Variants in NSUN7 observed in about 807,000 individuals in gnomAD.
NSUN7 encodes NOP2/Sun RNA methyltransferase family member 7.
In NSUN7, 39 loss-of-function variants were observed where a neutral mutation model predicts 58.5. The ratio of observed to expected loss-of-function variants is 0.67; its 90% confidence interval spans 0.52 to 0.87. The LOEUF (loss-of-function observed/expected upper bound fraction) is 0.87. Among genes scored for constraint, NSUN7 ranks in the 40% least tolerant of loss-of-function variants. The probability of loss-of-function intolerance (pLI) is 0.00; values close to 1 mark genes in which losing one functional copy is unlikely to be tolerated. For missense variants in NSUN7, 765 were observed against 844.1 expected, an observed-to-expected ratio of 0.91 and a Z score of 1.16; for synonymous variants, 278 against 303.7, an observed-to-expected ratio of 0.92 and a Z score of 0.88.
rs138850222 is a variant in NSUN7, at chr4:40,805,640, G to C, written c.1401-1421G>C. The stretch of plus-strand genomic sequence containing the variant: ...TGCTGAAAGAAATTCCTCCAAACTT[G>C]GTGGCTTATGATAACAAACATTTAT... On this transcript the variant is annotated intron_variant, in intron 10 of 11. Transcript: ENST00000381782. 2.8e-4 allele frequency among the ~76,000 whole-genome samples: 43 copies of C among 152,218 alleles called. 2 individuals carry two copies. The highest frequency in any genetic ancestry group is 1.0e-3 in the African/African-American group (42 of 41,538).
chr4:40,765,670 G>A (rs79518723), intron 4 of NSUN7, among the ~76,000 whole-genome samples: 47,998 of 151,988 alleles, frequency 0.32, 7,866 homozygotes, highest in Admixed American at 0.46. Context: ...ATTACCTTGG[G>A]TAGTATGGCC....
At chr4:40,786,021 G>A in intron 7 of NSUN7, 1 of 1,468,612 alleles carries the variant, frequency 6.8e-7, no homozygotes, top group East Asian at 2.3e-5. Context: ...AGGACAGTTA[G>A]TCAGTCTTAT....
At chr4:40,757,417 T>G (rs947556922) in intron 2 of NSUN7, among the ~76,000 whole-genome samples, 31 of 151,818 alleles carry the variant, frequency 2.0e-4, no homozygotes, top group African/African-American at 7.5e-4. Context: ...GCATTTTTGA[T>G]ATACAATATT....
At chr4:40,778,026 A>C (rs1427015774) in intron 7 of NSUN7, among the ~76,000 whole-genome samples, 1 of 152,262 alleles carries the variant, frequency 6.6e-6, no homozygotes, top group Non-Finnish European at 1.5e-5. Flanking sequence ...GAACTGAAAA[A>C]TACAATGTGT....
In NSUN7 at chr4:40,774,288, C is replaced by G. The variant is rs1742157194; in HGVS notation, c.512C>G (p.Ala171Gly). 6 of 1,614,062 alleles carry G rather than the reference C, an allele frequency of 3.7e-6. No homozygotes were observed. The Middle Eastern group carries it at 8.2e-4, about 222-fold the overall frequency. Residue 171 changes from alanine (A) to glycine (G), a missense_variant, in exon 5 of 12, where the codon GCA (alanine) becomes GGA (glycine). Physicochemically the swap from Ala to Gly is moderately conservative, Grantham distance 60. Transcript: ENST00000381782. Reference sequence around the variant, plus strand: ...AGTTTTAAGATAAAATTGGCTGCAGCATTGGCAAGATGTCGAATCAAGCAT... The same window carrying G: ...AGTTTTAAGATAAAATTGGCTGCAGGATTGGCAAGATGTCGAATCAAGCAT... ...LNSFKIKLAA[A>G]LARCRIKHDA...
intron 7 of NSUN7, among the ~76,000 whole-genome samples, chr4:40,782,971 G>C (rs1742646845): frequency 6.6e-6 from 1 of 152,192 alleles, no homozygotes; most frequent in Non-Finnish European, 1.5e-5. Context: ...ATTCATTGCA[G>C]TTCTTATAAA....
At chr4:40,786,709 G>T in intron 7 of NSUN7, 1 of 1,569,614 alleles carries the variant, frequency 6.4e-7, no homozygotes, top group Non-Finnish European at 8.6e-7. Flanking sequence ...GAAAAAGAAA[G>T]ATGAATATCA....
At chr4:40,752,485 A>G (rs146543760) in intron 2 of NSUN7, among the ~76,000 whole-genome samples, 42,181 of 152,116 alleles carry the variant, frequency 0.28, 6,078 homozygotes, top group Middle Eastern at 0.35. Context: ...CAGTGGCACA[A>G]TCTTGGCTCA....
At chr4:40,799,073 CTTTTTTTTTTTTTTTTTTT>C in intron 10 of NSUN7, among the ~76,000 whole-genome samples, 169 bp downstream of exon 10, 1 of 76,246 alleles carries the variant, frequency 1.3e-5, no homozygotes, top group South Asian at 4.5e-4. Context: ...GGGCCTTTTT[CTTTTTTTTTTTTTTTTTTT>C]TTTTTTTTTT....
At chr4:40,756,201 A>T (rs1311232034) in intron 2 of NSUN7, among the ~76,000 whole-genome samples, 1 of 152,226 alleles carries the variant, frequency 6.6e-6, no homozygotes, top group Non-Finnish European at 1.5e-5. Context: ...TTGGCCACCC[A>T]GGCCTGCTGA....
intron 2 of NSUN7, among the ~76,000 whole-genome samples, chr4:40,756,168 C>T (rs754017285): frequency 6.6e-6 from 1 of 152,192 alleles, no homozygotes. Context: ...AAAGGCCAAC[C>T]GTTTCTTTAG....
chr4:40,756,349 A>G (rs185303502), intron 2 of NSUN7, among the ~76,000 whole-genome samples: 19 of 152,366 alleles, frequency 1.2e-4, no homozygotes, highest in African/African-American at 4.6e-4. Context: ...GGCCCTCCAC[A>G]TGGAAACATG....
intron 4 of NSUN7, among the ~76,000 whole-genome samples, chr4:40,766,396 G>A (rs1434311599): frequency 4.0e-5 from 6 of 151,646 alleles, no homozygotes; most frequent in African/African-American, 1.5e-4. Context: ...ATTGATTTGT[G>A]TATATTGAAC....
chr4:40,760,845 A>T, intron 3 of NSUN7, among the ~76,000 whole-genome samples: 1 of 149,906 alleles, frequency 6.7e-6, no homozygotes, highest in East Asian at 1.9e-4. Flanking sequence ...CTAGACAACA[A>T]GAGTGAAACT....
intron 7 of NSUN7, chr4:40,786,566 C>T: frequency 6.2e-7 from 1 of 1,613,272 alleles, no homozygotes; most frequent in Non-Finnish European, 8.5e-7. Context: ...AAATTGTTAG[C>T]AATGGGTGAC....
intron 2 of NSUN7, among the ~76,000 whole-genome samples, chr4:40,755,946 C>CCTAGT (rs1741123813): frequency 6.6e-6 from 1 of 152,188 alleles, no homozygotes; most frequent in Non-Finnish European, 1.5e-5. Flanking sequence ...GGAAGTTCAT[C>CCTAGT]TGAGCCTTGC....
intron 2 of NSUN7, among the ~76,000 whole-genome samples, chr4:40,751,598 A>AC (rs1358177850): frequency 3.3e-5 from 5 of 152,198 alleles, no homozygotes; most frequent in Admixed American, 3.3e-4. Context: ...CCCAATTAAG[A>AC]CTATCCCATT....
At chr4:40,805,679 C>T (rs1009977237) in intron 10 of NSUN7, among the ~76,000 whole-genome samples, 4 of 152,086 alleles carry the variant, frequency 2.6e-5, no homozygotes, top group East Asian at 1.9e-4. Flanking sequence ...CTCATAGTTC[C>T]GGAGGCTGGG....
intron 10 of NSUN7, among the ~76,000 whole-genome samples, chr4:40,805,046 C>T (rs913501979): frequency 1.3e-5 from 2 of 152,144 alleles, no homozygotes; most frequent in Non-Finnish European, 2.9e-5. Flanking sequence ...GTGTTATCCA[C>T]GGCAGCGAGC....
Sources: allele counts gnomAD v4.1 joint callset (sites outside exome capture counted in the v4.1 genomes callset), GRCh38; gene constraint gnomAD v4.1.1; transcripts MANE v1.5; gene names NCBI Gene and HGNC (gene_info 2026-07-23, HGNC 2026-07-21).